The following PLXDC2 variants were observed in gnomAD, a reference collection of about 807,000 sequenced individuals.
The protein encoded by PLXDC2 is plexin domain containing 2.
A neutral mutation model predicts 68.9 loss-of-function variants in PLXDC2; 40 were observed. The ratio of observed to expected loss-of-function variants is 0.58; its 90% CI spans 0.45 to 0.76. The LOEUF (loss-of-function observed/expected upper bound fraction) is 0.76, where lower values mean the gene tolerates loss of function less well. Among genes scored for constraint, PLXDC2 ranks in the 30% least tolerant of loss-of-function variants. The pLI is 0.00. For missense variants in PLXDC2, 644 were observed against 661.9 expected (o/e 0.97, Z 0.30); for synonymous variants, 243 against 234.2 (o/e 1.04, Z -0.34).
chr10:20,184,510 T>C (rs1209643040), intron 9 of PLXDC2, among the ~76,000 whole-genome samples: 2 of 151,734 alleles, frequency 1.3e-5, no homozygotes, highest in Non-Finnish European at 2.9e-5. Context: ...GTTAATAATA[T>C]GAAAATGTAT....
intron 1 of PLXDC2, among the ~76,000 whole-genome samples, chr10:19,845,726 T>C (rs1447116391): frequency 6.6e-6 from 1 of 152,234 alleles, no homozygotes; most frequent in Non-Finnish European, 1.5e-5. Context: ...AGGGCAGTTT[T>C]GCAGTTCTAT....
At chr10:20,070,283 T>C (rs1256802634) in intron 4 of PLXDC2, among the ~76,000 whole-genome samples, 3 of 152,198 alleles carry the variant, frequency 2.0e-5, no homozygotes, top group Non-Finnish European at 4.4e-5. Flanking sequence ...CTGAAGTTAG[T>C]ACATTTAACT....
intron 1 of PLXDC2, among the ~76,000 whole-genome samples, chr10:19,994,656 TTAA>T (rs1189502398): frequency 6.6e-6 from 1 of 151,574 alleles, no homozygotes; most frequent in Non-Finnish European, 1.5e-5. Flanking sequence ...GTTTAAAATC[TTAA>T]TAAGTTAGAC....
intron 2 of PLXDC2, among the ~76,000 whole-genome samples, chr10:20,036,278 A>T (rs1351449177): frequency 6.6e-5 from 10 of 152,160 alleles, no homozygotes; most frequent in Non-Finnish European, 7.3e-5. Flanking sequence ...ATCCCATTAG[A>T]TTTGTGTTCC....
At chr10:20,087,893 G>A (rs1554765819) in intron 4 of PLXDC2, among the ~76,000 whole-genome samples, 2 of 152,096 alleles carry the variant, frequency 1.3e-5, no homozygotes, top group Non-Finnish European at 2.9e-5. Context: ...CCTCCCCAGT[G>A]TTTTAATCAA....
chr10:20,018,991 G>T (rs1373035330), intron 2 of PLXDC2, among the ~76,000 whole-genome samples: 1 of 152,174 alleles, frequency 6.6e-6, no homozygotes, highest in East Asian at 1.9e-4. Flanking sequence ...AAAAAGAAAT[G>T]GAACTTGGCT....
At chr10:20,023,050 T>C (rs1835339349) in intron 2 of PLXDC2, among the ~76,000 whole-genome samples, 1 of 149,748 alleles carries the variant, frequency 6.7e-6, no homozygotes, top group African/African-American at 2.4e-5. Flanking sequence ...AGGCTCTTAA[T>C]TTTTTTTGGA....
chr10:20,127,642 T>A (rs915390319), intron 4 of PLXDC2, among the ~76,000 whole-genome samples: 3 of 152,122 alleles, frequency 2.0e-5, no homozygotes, highest in Non-Finnish European at 4.4e-5. Context: ...TCCAGGGCTG[T>A]TTCTGGACAT....
At chr10:20,054,011 T>G (rs772748498) in intron 3 of PLXDC2, among the ~76,000 whole-genome samples, 11 of 152,104 alleles carry the variant, frequency 7.2e-5, no homozygotes, top group Non-Finnish European at 1.6e-4. Flanking sequence ...AAGAAAGTAG[T>G]TAAAGCATTA....
At chr10:20,199,577 A>G (rs1834889522) in intron 9 of PLXDC2, among the ~76,000 whole-genome samples, 2 of 152,152 alleles carry the variant, frequency 1.3e-5, no homozygotes, top group African/African-American at 4.8e-5. Flanking sequence ...AAAAATAGTT[A>G]CTAACAAAAT....
At chr10:20,230,716 A>AAAAAAAAAAAAAAG (rs1835352727) in intron 12 of PLXDC2, among the ~76,000 whole-genome samples, 1 of 139,420 alleles carries the variant, frequency 7.2e-6, no homozygotes, top group Non-Finnish European at 1.6e-5. Flanking sequence ...AAAAAAAAAC[A>AAAAAAAAAAAAAAG]GGAAAACAGT....
At chr10:20,076,531 A>G (rs1301518070) in intron 4 of PLXDC2, among the ~76,000 whole-genome samples, 2 of 152,182 alleles carry the variant, frequency 1.3e-5, no homozygotes, top group Non-Finnish European at 2.9e-5. Flanking sequence ...CATAGATAGC[A>G]TATGCTAATA....
rs80203748 is a variant in PLXDC2 at position 20,049,197 on chromosome 10, G to A, written c.471+2182G>A. Among the ~76,000 whole-genome samples, 395 of 152,132 alleles carry A rather than the reference G, an allele frequency of 2.6e-3. 8 individuals are homozygous for A. In the East Asian group the frequency reaches 0.032, roughly 12 times the overall value. ...AAAAACACTCAAGAAACTAGGCATG[G>A]AAGGAACATACCTCAAAGTAATAAG... On this transcript the variant is annotated intron_variant, in intron 3 of 13. Transcript: ENST00000377252.
intron 9 of PLXDC2, among the ~76,000 whole-genome samples, chr10:20,184,993 C>T (rs753230728): frequency 3.8e-4 from 58 of 151,304 alleles, no homozygotes; most frequent in Admixed American, 3.8e-3. Context: ...CACTGGGACC[C>T]GTCAGGGGAT....
At chr10:19,853,604 G>C (rs1837160622) in intron 1 of PLXDC2, among the ~76,000 whole-genome samples, 1 of 145,362 alleles carries the variant, frequency 6.9e-6, no homozygotes, top group South Asian at 2.4e-4. Flanking sequence ...TCTCATTCAG[G>C]ATCTCTAGAA....
chr10:20,148,926 T>C (rs1218033335), intron 6 of PLXDC2, among the ~76,000 whole-genome samples: 1 of 152,206 alleles, frequency 6.6e-6, no homozygotes, highest in Admixed American at 6.5e-5. Flanking sequence ...GGCCAACTTT[T>C]AAAAATTCTG....
intron 1 of PLXDC2, among the ~76,000 whole-genome samples, chr10:19,973,595 C>A (rs567621578): frequency 2.4e-4 from 36 of 152,156 alleles, no homozygotes; most frequent in African/African-American, 7.7e-4. Context: ...CCTACAGAAT[C>A]AAAAGACATA....
chr10:20,236,062 T>C (rs1410455722), intron 12 of PLXDC2, among the ~76,000 whole-genome samples: 1 of 152,212 alleles, frequency 6.6e-6, no homozygotes, highest in Non-Finnish European at 1.5e-5. Flanking sequence ...GTTTCATATT[T>C]AGCTGAAAAC....
At chr10:20,031,734 A>G (rs1217861787) in intron 2 of PLXDC2, among the ~76,000 whole-genome samples, 1 of 152,218 alleles carries the variant, frequency 6.6e-6, no homozygotes, top group Non-Finnish European at 1.5e-5. Flanking sequence ...TGTGTGGAAT[A>G]TCTGTTAGGT....
Sources: allele counts gnomAD v4.1 joint callset (sites outside exome capture counted in the v4.1 genomes callset), GRCh38; gene constraint gnomAD v4.1.1; transcripts MANE v1.5; gene names NCBI Gene and HGNC (gene_info 2026-07-23, HGNC 2026-07-21).